STEAP2: variants seen among roughly 807,000 people sequenced by gnomAD.
STEAP2 encodes the protein STEAP2 metalloreductase, also known as metalloreductase STEAP2.
A neutral mutation model predicts 46.4 loss-of-function variants in STEAP2; 30 were observed. That is an observed-to-expected ratio of 0.65 (90% CI 0.48 to 0.88). The LOEUF is 0.88. Among genes scored for constraint, STEAP2 ranks in the 40% least tolerant of loss-of-function variants. STEAP2 has a pLI of 0.00. For synonymous variants in STEAP2, 180 were observed against 200.5 expected (o/e 0.90, Z 0.86); for missense variants, 513 against 579.3 (o/e 0.89, Z 1.18).
In STEAP2 at chr7:90,232,695, G is replaced by T; in HGVS notation, c.*71G>T. On this transcript the variant is annotated 3_prime_UTR_variant, in exon 6 of 6. Coordinates refer to ENST00000394621, the MANE Select transcript of STEAP2 (RefSeq NM_001244944.2). The stretch of plus-strand genomic sequence containing the variant: ...ATTATTTTTATGACTTCTACGTTCA[G>T]TTACAAGTATGCTGTCAAATTATCG... 1 of 1,467,128 alleles carries T rather than the reference G, an allele frequency of 6.8e-7. No homozygotes were observed. The allele number at this position is 1,467,128 out of a possible 1,614,324, so 90.9% of individuals were successfully genotyped here. A position where few individuals can be genotyped will look rare whatever the true frequency, so the allele number is the denominator to read the frequency against.
At chr7:90,222,505 G>A (rs2116240998) in intron 2 of STEAP2, among the ~76,000 whole-genome samples, 1 of 152,136 alleles carries the variant, frequency 6.6e-6, no homozygotes, top group Non-Finnish European at 1.5e-5. Context: ...TGTCTTAGCT[G>A]GACAACTACC....
chr7:90,220,437 T>C (rs1795207216), intron 2 of STEAP2, among the ~76,000 whole-genome samples: 1 of 152,200 alleles, frequency 6.6e-6, no homozygotes, highest in Admixed American at 6.5e-5. Flanking sequence ...CATAATAGCT[T>C]CTCATGATCT....
Position 90,234,537 on chromosome 7 carries a change from T to G in STEAP2, c.*1913T>G. 1.0e-6 allele frequency: 1 copy of G among 973,732 alleles called. No homozygotes were observed. The highest frequency in any genetic ancestry group is 1.2e-6 in the Non-Finnish European group (1 of 822,006). The allele number at this position is 973,732 out of a possible 1,614,324, so 60.3% of individuals were successfully genotyped here. ...TGTTCTCTTGGTGAATTTTATTATC[T>G]TGTACCCTCTTTTTTTTTTTTTTTT... On this transcript the variant is annotated 3_prime_UTR_variant, in exon 6 of 6. Transcript: ENST00000394621.
Position 90,234,252 on chromosome 7 carries a change from G to C in STEAP2, c.*1628G>C. The C allele has an allele frequency of 1.0e-6, 1 of 985,224 alleles. No homozygotes were observed. Among genetic ancestry groups the C allele is most frequent in the Non-Finnish European group, 1.2e-6 (1 of 829,884 alleles). 61.0% of individuals were successfully genotyped at this position (985,224 alleles called of 1,614,324 possible). On this transcript the variant is annotated 3_prime_UTR_variant, in exon 6 of 6. Coordinates refer to ENST00000394621, the MANE Select transcript of STEAP2 (RefSeq NM_001244944.2). ...GTCCTTCCACATTTAATTGCATTTTGCTCAAACTGTAGAATGCCCTACATT... is the reference window on the plus strand; with the variant it reads ...GTCCTTCCACATTTAATTGCATTTTCCTCAAACTGTAGAATGCCCTACATT...
At chr7:90,219,451 T>TA (rs79497929) in intron 2 of STEAP2, among the ~76,000 whole-genome samples, 23,274 of 152,148 alleles carry the variant, frequency 0.15, 2,804 homozygotes, top group East Asian at 0.65. Flanking sequence ...CCTTATTATG[T>TA]GAAGCATATT....
chr7:90,225,240 G>A lies in STEAP2; in HGVS notation c.158G>A (p.Gly53Asp), dbSNP rs376806800. The A allele has an allele frequency of 6.2e-7, 1 of 1,613,956 alleles. No homozygotes were observed. The highest frequency in any genetic ancestry group is 8.5e-7 in the Non-Finnish European group (1 of 1,179,946). ...TTGACCATTCGACTTATTAGATGCG[G>A]CTATCATGTGGTCATAGGAAGTAGA... The part of the protein sequence containing the change: ...KSLTIRLIRC[G>D]YHVVIGSRNP... Residue 53 changes from glycine (G) to aspartate (D), a missense_variant, in exon 3 of 6, where the codon GGC becomes GAC. Gly to Asp is a moderately conservative substitution (Grantham distance 94). Coordinates refer to ENST00000394621, the MANE Select transcript of STEAP2 (RefSeq NM_001244944.2).
intron 4 of STEAP2, 70 bp downstream of exon 4, chr7:90,227,568 A>G: frequency 7.5e-7 from 1 of 1,335,474 alleles, no homozygotes; most frequent in Non-Finnish European, 9.9e-7. Flanking sequence ...TGTAAAACAT[A>G]AAATTTTACA....
In STEAP2 at chr7:90,236,435, TAA is replaced by T; in HGVS notation, c.*3812_*3813del. Reference sequence around the variant, plus strand: ...CATAGTATAACACACCTCACAGTGTTAAGATTTATATTGTGAAATGAGACACC... The same window carrying T: ...CATAGTATAACACACCTCACAGTGTTGATTTATATTGTGAAATGAGACACC... On this transcript the variant is annotated 3_prime_UTR_variant, in exon 6 of 6. Coordinates refer to ENST00000394621, the MANE Select transcript of STEAP2 (RefSeq NM_001244944.2). 4 of 991,440 alleles carry T rather than the reference TAA, an allele frequency of 4.0e-6. No individual in the cohort carries two copies. The highest frequency in any genetic ancestry group is 4.8e-6 in the Non-Finnish European group (4 of 833,892). 61.4% of individuals were successfully genotyped at this position (991,440 alleles called of 1,614,324 possible). A position where few individuals can be genotyped will look rare whatever the true frequency, so the allele number is the denominator to read the frequency against.
intron 1 of STEAP2, among the ~76,000 whole-genome samples, chr7:90,214,713 A>C (rs535690787): frequency 6.6e-6 from 1 of 152,268 alleles, no homozygotes; most frequent in Admixed American, 6.5e-5. Flanking sequence ...AGAGTGCAGG[A>C]TATTAAGCAA....
intron 3 of STEAP2, 30 bp downstream of exon 3, chr7:90,225,604 A>C: frequency 1.3e-6 from 2 of 1,529,142 alleles, no homozygotes; most frequent in Non-Finnish European, 1.8e-6. Context: ...ATTCTTATGT[A>C]TCTGGTATTT....
intron 3 of STEAP2, among the ~76,000 whole-genome samples, chr7:90,226,372 AT>A (rs1795490430): frequency 6.6e-6 from 1 of 152,040 alleles, no homozygotes; most frequent in Admixed American, 6.6e-5. Context: ...TTTATACAAA[AT>A]TTTTTCCAAA....
At chr7:90,213,177 G>A (rs1399389526) in intron 1 of STEAP2, among the ~76,000 whole-genome samples, 3 of 152,196 alleles carry the variant, frequency 2.0e-5, no homozygotes, top group Non-Finnish European at 4.4e-5. Flanking sequence ...CACTCTGTCA[G>A]GGTATGGGGA....
In STEAP2 at chr7:90,222,298, G is replaced by A. The variant is rs573571373; in HGVS notation, c.-33-2752G>A. On this transcript the variant is annotated intron_variant, in intron 2 of 5. Transcript: ENST00000394621. ...TCTTGAAAGGTGTGAAATGAAACATGTAATTGATTTAAAAATAGTAAATGT... is the reference window on the plus strand; with the variant it reads ...TCTTGAAAGGTGTGAAATGAAACATATAATTGATTTAAAAATAGTAAATGT... Among the ~76,000 whole-genome samples the A allele has an allele frequency of 2.3e-4, 35 of 152,200 alleles. 1 individual carries two copies. In the South Asian group the frequency reaches 7.3e-3, roughly 32 times the overall value.
At position 90,236,181 on chromosome 7, in the gene STEAP2, C is replaced by A; in HGVS notation, c.*3557C>A. The stretch of plus-strand genomic sequence containing the variant: ...AAGCTATTTCATAATAAATTCTGTA[C>A]AGTTTCCCCCCAAAAAAGAGATTTA... On this transcript the variant is annotated 3_prime_UTR_variant, in exon 6 of 6. Coordinates refer to ENST00000394621, the MANE Select transcript of STEAP2 (RefSeq NM_001244944.2). 1.4e-6 allele frequency: 1 copy of A among 732,946 alleles called. No individual in the cohort carries two copies. Among genetic ancestry groups the A allele is most frequent in the Non-Finnish European group, 1.7e-6 (1 of 601,148 alleles). 45.4% of individuals were successfully genotyped at this position (732,946 alleles called of 1,614,324 possible).
chr7:90,225,719 T>C, intron 3 of STEAP2, 145 bp downstream of exon 3: 3 of 956,246 alleles, frequency 3.1e-6, no homozygotes, highest in Non-Finnish European at 3.0e-6. Context: ...AAGATTAATG[T>C]CCTGACCTTG....
At position 90,219,912 on chromosome 7, in the gene STEAP2, G is replaced by C. The variant is rs536511601; in HGVS notation, c.-34+3309G>C. On this transcript the variant is annotated intron_variant, in intron 2 of 5. Transcript: ENST00000394621. ...AGCTATTGTTTAAATTTTTTGTAGA[G>C]ACGAGGGTCTCATTATGTTGCCCAG... 9.9e-5 allele frequency among the ~76,000 whole-genome samples: 15 copies of C among 152,204 alleles called. 1 individual carries two copies. The highest frequency in any genetic ancestry group is 3.1e-4 in the African/African-American group (13 of 41,542).
rs1281157793 is a variant in STEAP2, at chr7:90,235,900, A to C, written c.*3276A>C. On this transcript the variant is annotated 3_prime_UTR_variant, in exon 6 of 6. Coordinates refer to ENST00000394621, the MANE Select transcript of STEAP2 (RefSeq NM_001244944.2). ...ATCAGAGATGATTATTTTGTGCTAC[A>C]TACAGGTTGGCTAATGAGCTCTAGT... 1.1e-6 allele frequency: 1 copy of C among 922,514 alleles called. No homozygotes were observed. The highest frequency in any genetic ancestry group is 1.2e-4 in the East Asian group (1 of 8,502). The allele number at this position is 922,514 out of a possible 1,614,324, so 57.1% of individuals were successfully genotyped here.
At chr7:90,214,342 C>G (rs1265460011) in intron 1 of STEAP2, among the ~76,000 whole-genome samples, 1 of 151,994 alleles carries the variant, frequency 6.6e-6, no homozygotes, top group South Asian at 2.1e-4. Flanking sequence ...GGGACCAGCT[C>G]TGGGTGGAAA....
chr7:90,214,622 A>C (rs1042496759), intron 1 of STEAP2, among the ~76,000 whole-genome samples: 1 of 152,042 alleles, frequency 6.6e-6, no homozygotes, highest in Non-Finnish European at 1.5e-5. Flanking sequence ...TATGATGGAG[A>C]GTAAGAGAGC....
Sources: allele counts gnomAD v4.1 joint callset (sites outside exome capture counted in the v4.1 genomes callset), GRCh38; gene constraint gnomAD v4.1.1; transcripts MANE v1.5; gene names NCBI Gene and HGNC (gene_info 2026-07-23, HGNC 2026-07-21).